TSHR: variants seen among roughly 807,000 people sequenced by gnomAD.
The protein encoded by TSHR is thyroid stimulating hormone receptor.
TSHR carries 51 observed loss-of-function variants against 64.1 expected under a neutral mutation model. The ratio of observed to expected loss-of-function variants is 0.80; its 90% confidence interval spans 0.64 to 1.01. The LOEUF (loss-of-function observed/expected upper bound fraction) is 1.01, where lower values mean the gene tolerates loss of function less well. TSHR is among the 50% of genes least tolerant of loss of function. The pLI, the probability that TSHR is intolerant of heterozygous loss-of-function variation, is 0.00. For synonymous variants in TSHR, 361 were observed against 361.9 expected (o/e 1.00, Z 0.03); for missense variants, 877 against 942.8 (o/e 0.93, Z 0.91).
intron 5 of TSHR, among the ~76,000 whole-genome samples, chr14:81,092,261 C>T (rs1208964743): frequency 6.6e-6 from 1 of 152,094 alleles, no homozygotes; most frequent in Non-Finnish European, 1.5e-5. Context: ...CTGCCTACCC[C>T]AAGATGAGGA....
intron 1 of TSHR, among the ~76,000 whole-genome samples, chr14:80,979,224 C>A (rs1200719245): frequency 6.6e-6 from 1 of 152,164 alleles, no homozygotes; most frequent in Admixed American, 6.5e-5. Context: ...TGCATGATCT[C>A]ATGCATATGT....
intron 1 of TSHR, among the ~76,000 whole-genome samples, chr14:81,048,695 C>T (rs1188519985): frequency 6.6e-6 from 1 of 152,050 alleles, no homozygotes; most frequent in African/African-American, 2.4e-5. Flanking sequence ...ATAAACAATG[C>T]AGTATGAAAG....
chr14:81,067,050 CT>C (rs1886666990), intron 2 of TSHR, among the ~76,000 whole-genome samples: 1 of 152,220 alleles, frequency 6.6e-6, no homozygotes, highest in Middle Eastern at 3.4e-3. Context: ...ATTTGAATTA[CT>C]TTTTGCTTAC....
chr14:81,004,610 AG>A (rs1889498954), intron 1 of TSHR, among the ~76,000 whole-genome samples: 1 of 152,174 alleles, frequency 6.6e-6, no homozygotes, highest in Admixed American at 6.5e-5. Flanking sequence ...AAAGACAGTT[AG>A]GTAGCAGAGG....
chr14:81,087,678 G>C (rs746901807), intron 3 of TSHR: 24 of 427,766 alleles, frequency 5.6e-5, no homozygotes, highest in Non-Finnish European at 8.5e-5. Context: ...AAAAAATTCT[G>C]ATACTACAAT....
intron 7 of TSHR, chr14:81,104,349 G>C: frequency 1.0e-6 from 1 of 985,368 alleles, no homozygotes; most frequent in Non-Finnish European, 1.2e-6. Context: ...ACATAATCAA[G>C]GCCCAGCCCA....
In TSHR at chr14:80,963,327, C is replaced by G. The variant is rs74064774; in HGVS notation, c.170+7477C>G. Among the ~76,000 whole-genome samples the G allele has an allele frequency of 5.2e-3, 790 of 152,250 alleles. 5 individuals are homozygous for G. The highest frequency in any genetic ancestry group is 0.017 in the African/African-American group (693 of 41,556). On this transcript the variant is annotated intron_variant, in intron 1 of 9. Transcript: ENST00000298171. ...AATGAACTCCAGGTTCTTTATGGAA[C>G]CATCCACTGGTTTCCAGGTTCCATA...
intron 1 of TSHR, chr14:81,013,915 G>T (rs1165198164): frequency 6.6e-6 from 1 of 152,186 alleles, no homozygotes; most frequent in African/African-American, 2.4e-5. Context: ...ACCTTATGGG[G>T]TGATGGGATT....
chr14:80,969,960 G>A (rs918179822), intron 1 of TSHR, among the ~76,000 whole-genome samples: 2 of 152,194 alleles, frequency 1.3e-5, no homozygotes, highest in African/African-American at 4.8e-5. Context: ...CCTTGCCACG[G>A]TTCTTTCTCC....
At chr14:81,051,520 C>A (rs1416954315) in intron 1 of TSHR, 1 of 152,120 alleles carries the variant, frequency 6.6e-6, no homozygotes, top group Non-Finnish European at 1.5e-5. Context: ...ATGTGGAGTG[C>A]AGACGTTTCT....
intron 1 of TSHR, among the ~76,000 whole-genome samples, chr14:81,032,081 A>T (rs1884377611): frequency 6.6e-6 from 1 of 152,028 alleles, no homozygotes; most frequent in African/African-American, 2.4e-5. Flanking sequence ...ACAAGAGAAC[A>T]TAGATAGACA....
chr14:81,033,195 T>C (rs2268471), intron 1 of TSHR: 114,580 of 448,326 alleles, frequency 0.26, 15,896 homozygotes, highest in South Asian at 0.31. Flanking sequence ...TCACTAATGA[T>C]ATCTCATCCA....
chr14:81,044,798 G>A (rs1885097035), intron 1 of TSHR, among the ~76,000 whole-genome samples: 1 of 152,164 alleles, frequency 6.6e-6, no homozygotes. Flanking sequence ...TACACTGTCG[G>A]TGAGAGTGTA....
intron 1 of TSHR, among the ~76,000 whole-genome samples, chr14:80,980,101 G>A (rs1888091974): frequency 6.6e-6 from 1 of 152,086 alleles, no homozygotes; most frequent in African/African-American, 2.4e-5. Flanking sequence ...CAGCCACTTT[G>A]AACTATTTTT....
chr14:81,025,566 C>T (rs1884006804), intron 1 of TSHR, among the ~76,000 whole-genome samples: 6 of 151,814 alleles, frequency 4.0e-5, no homozygotes, highest in Admixed American at 3.9e-4. Context: ...GTATCTTTCA[C>T]ATAAAAATAA....
intron 1 of TSHR, among the ~76,000 whole-genome samples, chr14:80,965,025 G>A (rs921915556): frequency 1.3e-5 from 2 of 152,212 alleles, no homozygotes; most frequent in Non-Finnish European, 2.9e-5. Context: ...GTGTCCAGGG[G>A]AAGAAGAAGA....
At chr14:80,957,830 G>A (rs1886784175) in intron 1 of TSHR, 2 of 152,194 alleles carry the variant, frequency 1.3e-5, no homozygotes, top group South Asian at 4.1e-4. Context: ...GTTCAACTAG[G>A]TGCTTTCTAG....
At chr14:81,119,506 A>G (rs370962510) in intron 8 of TSHR, among the ~76,000 whole-genome samples, 12,084 of 108,410 alleles carry the variant, frequency 0.11, 652 homozygotes, top group African/African-American at 0.16. Context: ...TTAGAATGGC[A>G]ATCATTAAAA....
At chr14:81,114,442 G>A (rs1324002558) in intron 8 of TSHR, among the ~76,000 whole-genome samples, 3 of 152,136 alleles carry the variant, frequency 2.0e-5, no homozygotes, top group Non-Finnish European at 4.4e-5. Flanking sequence ...AAATCGGGTC[G>A]CTCCCACCCG....
Sources: gnomAD v4.1 joint callset for allele counts (sites outside exome capture counted in the v4.1 genomes callset) on GRCh38, gnomAD v4.1.1 for gene constraint, MANE v1.5 for transcripts, NCBI Gene and HGNC (gene_info 2026-07-23, HGNC 2026-07-21) for gene names.